The following DIS3 variants were observed in gnomAD, a reference collection of about 807,000 sequenced individuals.
The protein encoded by DIS3 is exosome complex exonuclease RRP44.
In DIS3, 103 loss-of-function variants were observed where a neutral mutation model predicts 113.0. That is an observed-to-expected ratio of 0.91 (90% CI 0.78 to 1.07). DIS3 has a LOEUF of 1.07. Among genes scored for constraint, DIS3 ranks in the 50% least tolerant of loss-of-function variants. The probability of loss-of-function intolerance (pLI) is 0.00; values close to 1 mark genes in which losing one functional copy is unlikely to be tolerated. For synonymous variants in DIS3, 402 were observed against 394.3 expected (o/e 1.02, Z -0.23); for missense variants, 1,121 against 1,167.1 (o/e 0.96, Z 0.58).
rs763887442 is a variant in DIS3 at position 72,775,957 on chromosome 13, A to G, written c.790T>C (p.Trp264Arg). 5.4e-5 allele frequency: 87 copies of G among 1,611,104 alleles called. No individual in the cohort carries two copies. The highest frequency in any genetic ancestry group is 6.7e-5 in the Admixed American group (4 of 59,462). The change falls in exon 5 of 21, where the codon TGG becomes CGG. Residue 264 changes from tryptophan (W) to arginine (R), a missense_variant. Transcript: ENST00000377767. ...TTTTCTTCATTGTCGCCATGAATCC[A>G]TACTGTAGCTTCCAAGTAATTTTCC... ...SRENYLEATVWIHGDNEENKE... is the reference protein window; with the variant it reads ...SRENYLEATVRIHGDNEENKE...
chr13:72,760,406 T>C, intron 20 of DIS3, 123 bp downstream of exon 20: 1 of 1,189,824 alleles, frequency 8.4e-7, no homozygotes. Context: ...TATGCAAATA[T>C]TTGGTTTCTA....
In DIS3 at chr13:72,781,858, C is replaced by A. The variant is rs1447855803; in HGVS notation, c.-26G>T. On this transcript the variant is annotated 5_prime_UTR_variant, in exon 1 of 21. Coordinates refer to ENST00000377767, the MANE Select transcript of DIS3 (RefSeq NM_014953.5). ...CTTGCCTCGCCGCGCAGAATCCTAACCCCAGCAGCGCTCTTCCAGCAAAAG... is the reference window on the plus strand; with the variant it reads ...CTTGCCTCGCCGCGCAGAATCCTAAACCCAGCAGCGCTCTTCCAGCAAAAG... 2 of 1,525,940 alleles carry A rather than the reference C, an allele frequency of 1.3e-6. No individual in the cohort carries two copies. Among genetic ancestry groups the A allele is most frequent in the Non-Finnish European group, 1.8e-6 (2 of 1,130,312 alleles). 94.5% of individuals were successfully genotyped at this position (1,525,940 alleles called of 1,614,324 possible).
intron 3 of DIS3, 67 bp downstream of exon 3, chr13:72,778,120 T>C: frequency 1.5e-6 from 2 of 1,323,360 alleles, no homozygotes; most frequent in Non-Finnish European, 2.1e-6. Context: ...CATCTGACTA[T>C]AGGCCTAATG....
chr13:72,767,880 G>A (rs975757197), intron 14 of DIS3, among the ~76,000 whole-genome samples: 1 of 152,206 alleles, frequency 6.6e-6, no homozygotes, highest in African/African-American at 2.4e-5. Context: ...GAAGGTTCAT[G>A]TACTTGGTTT....
chr13:72,755,176 G>A lies in DIS3; in HGVS notation c.*4619C>T. 6.2e-7 allele frequency: 1 copy of A among 1,613,760 alleles called. No individual in the cohort carries two copies. The highest frequency in any genetic ancestry group is 8.5e-7 in the Non-Finnish European group (1 of 1,179,852). ...CAAGACCACACAACACAGAGGTGTTGGATGAAAACAGCAAGCCCTTTTCAA... is the reference window on the plus strand; with the variant it reads ...CAAGACCACACAACACAGAGGTGTTAGATGAAAACAGCAAGCCCTTTTCAA... On this transcript the variant is annotated 3_prime_UTR_variant, in exon 21 of 21. Coordinates refer to ENST00000377767, the MANE Select transcript of DIS3 (RefSeq NM_014953.5).
chr13:72,754,678 A>G lies in DIS3; in HGVS notation c.*5117T>C, dbSNP rs2033395722. On this transcript the variant is annotated 3_prime_UTR_variant, in exon 21 of 21. Coordinates refer to ENST00000377767, the MANE Select transcript of DIS3 (RefSeq NM_014953.5). ...ATTTCAGGATGCAGTTGTCTATCTA[A>G]ACATAAGTAGAGATAAATGAAGGAT... The G allele has an allele frequency of 6.6e-6, 1 of 152,434 alleles. No individual in the cohort carries two copies. Among genetic ancestry groups the G allele is most frequent in the South Asian group, 2.1e-4 (1 of 4,848 alleles). The allele number at this position is 152,434 out of a possible 1,614,324, so 9.4% of individuals were successfully genotyped here. A position where few individuals can be genotyped will look rare whatever the true frequency, so the allele number is the denominator to read the frequency against.
chr13:72,766,544 C>A (rs1268253227), intron 14 of DIS3, among the ~76,000 whole-genome samples: 1 of 152,038 alleles, frequency 6.6e-6, no homozygotes, highest in Non-Finnish European at 1.5e-5. Context: ...AAGACTGAAC[C>A]AAAAGAGAAG....
intron 10 of DIS3, 44 bp downstream of exon 10, chr13:72,772,115 G>C: frequency 6.6e-7 from 1 of 1,504,982 alleles, no homozygotes; most frequent in Non-Finnish European, 9.1e-7. Context: ...AATGAACTCA[G>C]AACAGAACTA....
chr13:72,781,072 G>A (rs2034189540), intron 1 of DIS3, 69 bp from the exon 2 acceptor site: 1 of 1,468,570 alleles, frequency 6.8e-7, no homozygotes, highest in Non-Finnish European at 9.3e-7. Flanking sequence ...ATAAAATCCT[G>A]TTTTATGTTG....
At chr13:72,774,634 T>G (rs989559228) in intron 6 of DIS3, among the ~76,000 whole-genome samples, 1 of 152,052 alleles carries the variant, frequency 6.6e-6, no homozygotes, top group Non-Finnish European at 1.5e-5. Context: ...TGAATATAAA[T>G]GATGGAAAAA....
rs974546124 is a variant in DIS3, at chr13:72,760,592, T to G, written c.2730A>C (p.Lys910Asn). The G allele has an allele frequency of 6.2e-7, 1 of 1,613,452 alleles. No individual in the cohort carries two copies. Among genetic ancestry groups the G allele is most frequent in the Non-Finnish European group, 8.5e-7 (1 of 1,179,636 alleles). Residue 910 changes from lysine (K) to asparagine (N), a missense_variant, in exon 20 of 21, where the codon AAA becomes AAC. By Grantham distance (94) the Lys-to-Asn change is moderately conservative. Transcript: ENST00000377767. ...VFHVFDKVKV[K>N]IMLDSSNLQH... ...GAAGATTAGATGAGTCTAACATGAT[T>G]TTCACTTTAACTTTATCAAATACAT...
intron 13 of DIS3, among the ~76,000 whole-genome samples, chr13:72,770,268 T>C (rs907894330): frequency 6.6e-6 from 1 of 152,044 alleles, no homozygotes; most frequent in African/African-American, 2.4e-5. Flanking sequence ...TCAAAAATTA[T>C]CTGCTTATAA....
chr13:72,769,749 C>A (rs2033842280), intron 13 of DIS3, among the ~76,000 whole-genome samples: 1 of 152,186 alleles, frequency 6.6e-6, no homozygotes, highest in African/African-American at 2.4e-5. Context: ...ACTGTGATGG[C>A]TTAAATAATT....
At chr13:72,765,462 G>A (rs953551541) in intron 15 of DIS3, among the ~76,000 whole-genome samples, 14 of 151,990 alleles carry the variant, frequency 9.2e-5, no homozygotes, top group African/African-American at 3.4e-4. Context: ...TCTTCTATGC[G>A]ACAAGGGGAG....
Position 72,777,419 on chromosome 13 carries a change from C to T in DIS3, c.654+1G>A. 4 of 1,613,780 alleles carry T rather than the reference C, an allele frequency of 2.5e-6. No homozygotes were observed. Among genetic ancestry groups the T allele is most frequent in the South Asian group, 1.1e-5 (1 of 91,072 alleles). On this transcript the variant is annotated splice_donor_variant, in intron 4 of 20. Coordinates refer to ENST00000377767, the MANE Select transcript of DIS3 (RefSeq NM_014953.5). LOFTEE classifies it high-confidence loss of function. ...TTTTCAAAAACAAAACAAAAACATACCCCTTCTTCAGACAAACAAGCAAGA... is the reference window on the plus strand; with the variant it reads ...TTTTCAAAAACAAAACAAAAACATATCCCTTCTTCAGACAAACAAGCAAGA...
intron 4 of DIS3, 51 bp downstream of exon 4, chr13:72,777,369 A>G (rs1370593980): frequency 1.3e-6 from 2 of 1,566,160 alleles, no homozygotes; most frequent in South Asian, 1.1e-5. Context: ...CTAATATTCC[A>G]AAGTGGCTAT....
In DIS3 at chr13:72,753,659, C is replaced by A. The variant is rs2033344099; in HGVS notation, c.*6136G>T. On this transcript the variant is annotated 3_prime_UTR_variant, in exon 21 of 21. Transcript: ENST00000377767. ...AAATATTTGACTTTTAAGTTCCTCA[C>A]AATATATTTTTTTCTTTTTTCTCCT... The A allele has an allele frequency of 6.3e-7, 1 of 1,596,174 alleles. No homozygotes were observed. The highest frequency in any genetic ancestry group is 8.5e-7 in the Non-Finnish European group (1 of 1,171,326).
rs201201354 is a variant in DIS3, at chr13:72,779,261, A to AG, written c.387-882dup. 7.7e-3 allele frequency among the ~76,000 whole-genome samples: 1,167 copies of AG among 152,096 alleles called. 13 individuals are homozygous for AG. The highest frequency in any genetic ancestry group is 0.027 in the African/African-American group (1,099 of 41,460). ...CAGCCTCGCAAGTAGCTGGGACTAGAGGCATGTACCACCATAACCAGCTAA... is the reference window on the plus strand; with the variant it reads ...CAGCCTCGCAAGTAGCTGGGACTAGAGGGCATGTACCACCATAACCAGCTAA... On this transcript the variant is annotated intron_variant, in intron 2 of 20. Transcript: ENST00000377767.
intron 14 of DIS3, 117 bp from the exon 15 acceptor site, chr13:72,766,175 C>G: frequency 1.3e-6 from 1 of 790,738 alleles, no homozygotes; most frequent in Non-Finnish European, 1.9e-6. Flanking sequence ...AGTTGCTCTT[C>G]TGAAGGCTTT....
Sources: gnomAD v4.1 joint callset for allele counts (sites outside exome capture counted in the v4.1 genomes callset) on GRCh38, gnomAD v4.1.1 for gene constraint, MANE v1.5 for transcripts, NCBI Gene and HGNC (gene_info 2026-07-23, HGNC 2026-07-21) for gene names.